GCNT4: variants seen among roughly 807,000 people sequenced by gnomAD.
GCNT4 encodes glucosaminyl (N-acetyl) transferase 4.
GCNT4 carries 17 observed loss-of-function variants against 31.3 expected under a neutral mutation model. The observed-to-expected ratio is 0.54, with a 90% CI of 0.37 to 0.81. The LOEUF (loss-of-function observed/expected upper bound fraction) is 0.81. Among genes scored for constraint, GCNT4 ranks in the 40% least tolerant of loss-of-function variants. The pLI is 0.00. For synonymous variants in GCNT4, 158 were observed against 190.6 expected (o/e 0.83, Z 1.41); for missense variants, 503 against 525.5 (o/e 0.96, Z 0.42).
chr5:75,041,087 T>C (rs928688434), intron 3 of GCNT4, among the ~76,000 whole-genome samples: 1 of 152,268 alleles, frequency 6.6e-6, no homozygotes, highest in Non-Finnish European at 1.5e-5. Flanking sequence ...GCAAAAGCTA[T>C]AAGCTTTTCC....
intron 3 of GCNT4, among the ~76,000 whole-genome samples, chr5:75,037,174 A>G (rs1182901171): frequency 6.6e-6 from 1 of 152,186 alleles, no homozygotes; most frequent in Non-Finnish European, 1.5e-5. Context: ...ACATCCTGCT[A>G]CTGCAGCTCC....
In GCNT4 at chr5:75,027,256, A is replaced by G. The variant is rs1742963286; in HGVS notation, c.*1420T>C. ...CTTCCAGAACAATTCCATTATATAT[A>G]TAATATATATTCATTATATGTTATA... On this transcript the variant is annotated 3_prime_UTR_variant, in exon 4 of 4. Transcript: ENST00000652361. 7.1e-6 allele frequency: 1 copy of G among 140,978 alleles called. No individual in the cohort carries two copies. Among genetic ancestry groups the G allele is most frequent in the Admixed American group, 7.3e-5 (1 of 13,684 alleles). The allele number at this position is 140,978 out of a possible 1,614,324, so 8.7% of individuals were successfully genotyped here.
chr5:75,029,808 T>TAGA lies in GCNT4; in HGVS notation c.227_229dup (p.Ile76_Tyr77insPhe), dbSNP rs1272598270. Reference sequence around the variant, plus strand: ...TCCAATTTCCAAAGGCTCCTGTTCATAGATACCCGAACAGTTAACTTCATA... The same window carrying TAGA: ...TCCAATTTCCAAAGGCTCCTGTTCATAGAAGATACCCGAACAGTTAACTTCATA... On this transcript the variant is annotated inframe_insertion, in exon 4 of 4. Coordinates refer to ENST00000652361, the MANE Select transcript of GCNT4 (RefSeq NM_001366737.1). The TAGA allele has an allele frequency of 9.9e-6, 16 of 1,614,130 alleles. No individual in the cohort carries two copies. The highest frequency in any genetic ancestry group is 1.4e-5 in the Non-Finnish European group (16 of 1,179,998).
intron 2 of GCNT4, among the ~76,000 whole-genome samples, chr5:75,049,379 T>C (rs1743516064): frequency 6.6e-6 from 1 of 152,210 alleles, no homozygotes; most frequent in South Asian, 2.1e-4. Flanking sequence ...TATCAAATGA[T>C]ATCTGGCTCC....
intron 3 of GCNT4, among the ~76,000 whole-genome samples, chr5:75,047,507 T>C (rs1222152731): frequency 6.6e-6 from 1 of 152,126 alleles, no homozygotes; most frequent in African/African-American, 2.4e-5. Flanking sequence ...GGGTGGGGTT[T>C]TGGGGGAGGC....
chr5:75,040,597 CA>C (rs1743296194), intron 3 of GCNT4, among the ~76,000 whole-genome samples: 1 of 152,122 alleles, frequency 6.6e-6, no homozygotes, highest in Admixed American at 6.5e-5. Context: ...TTTTCTATCC[CA>C]CAGTGCAACT....
chr5:75,029,312 C>CAATTGAA lies in GCNT4; in HGVS notation c.725_726insTTCAATT (p.Glu242AspfsTer22). 1 of 1,614,122 alleles carries CAATTGAA rather than the reference C, an allele frequency of 6.2e-7. No homozygotes were observed. The highest frequency in any genetic ancestry group is 1.3e-5 in the African/African-American group (1 of 75,034). ...TATTTGCTCCATTGAGTTTTTTCAA[C>CAATTGAA]TCTGACACCAATTCAAAATTTGACT... is the stretch of plus-strand genomic sequence containing the variant. On this transcript the variant is annotated frameshift_variant, in exon 4 of 4. Transcript: ENST00000652361. LOFTEE classifies it high-confidence loss of function.
chr5:75,053,731 C>A (rs1743643995), upstream of GCNT4, among the ~76,000 whole-genome samples: 1 of 152,068 alleles, frequency 6.6e-6, no homozygotes, highest in Non-Finnish European at 1.5e-5. Context: ...GGAGCGCCTC[C>A]GCGCTCCCGC....
chr5:75,053,176 G>C (rs1240044796), upstream of GCNT4, among the ~76,000 whole-genome samples: 1 of 151,520 alleles, frequency 6.6e-6, no homozygotes, highest in Non-Finnish European at 1.5e-5. Context: ...GGCGGCGGCT[G>C]CCGCGGGGAG....
At chr5:75,025,123 T>G (rs189448541), downstream of GCNT4, among the ~76,000 whole-genome samples, 15 of 152,238 alleles carry the variant, frequency 9.9e-5, no homozygotes, top group Admixed American at 9.2e-4. Context: ...CAACCTGAAG[T>G]AGGAGGAAGA....
chr5:75,036,433 T>C (rs952975933), intron 3 of GCNT4, among the ~76,000 whole-genome samples: 1 of 152,254 alleles, frequency 6.6e-6, no homozygotes, highest in South Asian at 2.1e-4. Flanking sequence ...AAATGGAACC[T>C]GAACTCAGAG....
At position 75,027,984 on chromosome 5, in the gene GCNT4, T is replaced by TTTTTTTTTTTTTG. The variant is rs1561372309; in HGVS notation, c.*691_*692insCAAAAAAAAAAAA. On this transcript the variant is annotated 3_prime_UTR_variant, in exon 4 of 4. Coordinates refer to ENST00000652361, the MANE Select transcript of GCNT4 (RefSeq NM_001366737.1). ...TTGTATAAATCCCTTCGCTCCTCTT[T>TTTTTTTTTTTTTG]AGGTACTACCTGTCCCAACCCACAT... 2 of 152,004 alleles carry TTTTTTTTTTTTTG rather than the reference T, an allele frequency of 1.3e-5. No homozygotes were observed. Among genetic ancestry groups the TTTTTTTTTTTTTG allele is most frequent in the African/African-American group, 4.9e-5 (2 of 40,874 alleles). 9.4% of individuals were successfully genotyped at this position (152,004 alleles called of 1,614,324 possible).
Position 75,052,549 on chromosome 5 carries a change from G to C in GCNT4, c.-322C>G, listed in dbSNP as rs1743598177. On this transcript the variant is annotated 5_prime_UTR_variant, in exon 1 of 4. Transcript: ENST00000652361. ...CGCCACCTCGCAGGCAGACGATCCC[G>C]GCCCGCTCTGCGGCACAAAAAACTT... The C allele has an allele frequency of 6.6e-6, 1 of 152,178 alleles. No homozygotes were observed. The highest frequency in any genetic ancestry group is 2.1e-4 in the South Asian group (1 of 4,830). The allele number at this position is 152,178 out of a possible 1,614,324, so 9.4% of individuals were successfully genotyped here.
chr5:75,041,896 A>C (rs1743329153), intron 3 of GCNT4, among the ~76,000 whole-genome samples: 1 of 152,216 alleles, frequency 6.6e-6, no homozygotes, highest in Admixed American at 6.5e-5. Flanking sequence ...CTGAATGAAA[A>C]GTTTTTGTTT....
intron 3 of GCNT4, among the ~76,000 whole-genome samples, chr5:75,032,776 G>A (rs1743093106): frequency 6.6e-6 from 1 of 152,068 alleles, no homozygotes; most frequent in African/African-American, 2.4e-5. Context: ...TCCCTTGCCT[G>A]ACACACAAGG....
chr5:75,019,147 C>G, the GCNT4 span, among the ~76,000 whole-genome samples: 1 of 152,152 alleles, frequency 6.6e-6, no homozygotes, highest in Non-Finnish European at 1.5e-5. Flanking sequence ...GCAATTAGGT[C>G]ATAAGGGTAG....
upstream of GCNT4, among the ~76,000 whole-genome samples, chr5:75,054,030 G>A (rs1295022594): frequency 6.6e-6 from 1 of 151,188 alleles, no homozygotes; most frequent in East Asian, 2.0e-4. Flanking sequence ...CAGACAGAAG[G>A]CAGCTCGCTC....
In GCNT4 at chr5:75,026,660, A is replaced by C. The variant is rs970298346; in HGVS notation, c.*2016T>G. 6.0e-5 allele frequency: 9 copies of C among 150,528 alleles called. No individual in the cohort carries two copies. Among genetic ancestry groups the C allele is most frequent in the East Asian group, 3.9e-4 (2 of 5,166 alleles). 9.3% of individuals were successfully genotyped at this position (150,528 alleles called of 1,614,324 possible). On this transcript the variant is annotated 3_prime_UTR_variant, in exon 4 of 4. Transcript: ENST00000652361. ...AATCGATTCTCACAAAAAAAAAAAA[A>C]AAAAAAAAAAAACACTTGTGTGGAA...
At chr5:75,044,353 T>C (rs944971570) in intron 3 of GCNT4, among the ~76,000 whole-genome samples, 4 of 151,658 alleles carry the variant, frequency 2.6e-5, no homozygotes, top group Non-Finnish European at 5.9e-5. Context: ...CATGTTACCT[T>C]CCTGCTTTAC....
Sources: gnomAD v4.1 joint callset for allele counts (sites outside exome capture counted in the v4.1 genomes callset) on GRCh38, gnomAD v4.1.1 for gene constraint, MANE v1.5 for transcripts, NCBI Gene and HGNC (gene_info 2026-07-23, HGNC 2026-07-21) for gene names.